HMCN2: variants seen among roughly 807,000 people sequenced by gnomAD.
HMCN2 encodes the protein hemicentin 2.
A neutral mutation model predicts 377.5 loss-of-function variants in HMCN2; 325 were observed. The observed-to-expected ratio is 0.86, with a 90% confidence interval of 0.79 to 0.94. HMCN2 has a LOEUF of 0.94. Ranked by LOEUF, HMCN2 falls within the 40% of genes least tolerant of loss-of-function variation. HMCN2 has a pLI of 0.00. For synonymous variants in HMCN2, 2,007 were observed against 2,046.8 expected (o/e 0.98, Z 0.53); for missense variants, 4,543 against 4,725.3 (o/e 0.96, Z 1.13).
chr9:130,353,760 A>G (rs568795260), intron 31 of HMCN2, among the ~76,000 whole-genome samples: 1 of 152,196 alleles, frequency 6.6e-6, no homozygotes, highest in Non-Finnish European at 1.5e-5. Flanking sequence ...GAACCTCAGC[A>G]TCAGCTCAGC....
chr9:130,303,916 G>T lies in HMCN2; in HGVS notation c.1543+308G>T, dbSNP rs1836683154. Among the ~76,000 whole-genome samples the T allele has an allele frequency of 6.6e-6, 1 of 152,204 alleles. No homozygotes were observed. Among genetic ancestry groups the T allele is most frequent in the Non-Finnish European group, 1.5e-5 (1 of 68,028 alleles). On this transcript the variant is annotated intron_variant, in intron 10 of 97. Transcript: ENST00000683500. The surrounding 1 kb of genome is among the most constrained non-coding windows in gnomAD (Gnocchi z 5.2). ...GGGGCCGCCATCCATCTCGTGGTCG[G>T]GACAACCTTCGTGCCTCCAAGTCCC... is the stretch of plus-strand genomic sequence containing the variant.
Position 130,408,756 on chromosome 9 carries a change from A to G in HMCN2, c.12702A>G (p.Leu4234=). The G allele has an allele frequency of 7.8e-7, 1 of 1,289,170 alleles. No homozygotes were observed. The highest frequency in any genetic ancestry group is 1.0e-6 in the Non-Finnish European group (1 of 988,470). 79.9% of individuals were successfully genotyped at this position (1,289,170 alleles called of 1,614,324 possible). ...CACCCCATGCAGAGGCTCCTGTCCT[A>G]CAAGGGGAGGCTTTCTCCTACCTGG... The part of the protein sequence containing the change: ...SFVHVKEAPV[L]QGEAFSYLVE... Residue 4234 remains leucine, a synonymous_variant, in exon 84 of 98, where the codon CTA becomes CTG. Coordinates refer to ENST00000683500, the MANE Select transcript of HMCN2 (RefSeq NM_001291815.2).
chr9:130,266,211 C>T, intron 1 of HMCN2, 74 bp downstream of exon 1: 1 of 412,044 alleles, frequency 2.4e-6, no homozygotes, highest in Non-Finnish European at 4.8e-6. Flanking sequence ...CCTCAGTTGG[C>T]CCCGAACGCA....
At chr9:130,411,087 G>A (rs559200468) in intron 85 of HMCN2, among the ~76,000 whole-genome samples, 187 of 151,966 alleles carry the variant, frequency 1.2e-3, no homozygotes, top group African/African-American at 4.1e-3. Flanking sequence ...TTTACAATGC[G>A]AACCCACCCA....
Position 130,432,373 on chromosome 9 carries a change from C to T in HMCN2, c.14768-56C>T, listed in dbSNP as rs958946077. On this transcript the variant is annotated intron_variant, in intron 96 of 97. Transcript: ENST00000683500. Reference sequence around the variant, plus strand: ...ACTTCTCCCCACGCACTCCCCCCTTCTCCTTTGCTCCATCTTTTCATCTCC... The same window carrying T: ...ACTTCTCCCCACGCACTCCCCCCTTTTCCTTTGCTCCATCTTTTCATCTCC... The T allele has an allele frequency of 2.4e-5, 37 of 1,536,710 alleles. No homozygotes were observed. In the African/African-American group the frequency reaches 4.3e-4, roughly 18 times the overall value.
intron 28 of HMCN2, 53 bp downstream of exon 28, chr9:130,349,184 C>G: frequency 7.8e-7 from 1 of 1,282,760 alleles, no homozygotes. Flanking sequence ...CCTGTAGCCC[C>G]AACTCTTGCA....
rs776662988 is a variant in HMCN2 at position 130,348,572 on chromosome 9, G to A, written c.4052G>A (p.Arg1351His). The A allele has an allele frequency of 2.7e-5, 35 of 1,304,130 alleles. No homozygotes were observed. The highest frequency in any genetic ancestry group is 1.7e-4 in the East Asian group (3 of 18,038). 80.8% of individuals were successfully genotyped at this position (1,304,130 alleles called of 1,614,324 possible). A position where few individuals can be genotyped will look rare whatever the true frequency, so the allele number is the denominator to read the frequency against. Residue 1351 changes from arginine (R) to histidine (H), a missense_variant, in exon 27 of 98, where the codon CGC (arginine) becomes CAC (histidine). Transcript: ENST00000683500. ...YVPPSIREDG[R>H]KANVSGMAGQ... ...CCCCCCAGCATCCGGGAGGACGGGC[G>A]CAAGGCCAACGTGTCGGGTATGGCC...
intron 1 of HMCN2, among the ~76,000 whole-genome samples, chr9:130,278,833 G>T (rs912959568): frequency 6.6e-6 from 1 of 151,230 alleles, no homozygotes; most frequent in African/African-American, 2.4e-5. Context: ...CACCCGCCTC[G>T]GCTTCCCAAA....
chr9:130,370,821 G>A, intron 45 of HMCN2, 143 bp from the exon 46 acceptor site: 1 of 380,880 alleles, frequency 2.6e-6, no homozygotes, highest in Non-Finnish European at 3.6e-6. Flanking sequence ...CACTTTAGGG[G>A]GAGCAGCTCT....
intron 45 of HMCN2, 44 bp from the exon 46 acceptor site, chr9:130,370,919 CA>C (rs1840987062): frequency 1.0e-6 from 1 of 980,650 alleles, no homozygotes; most frequent in Non-Finnish European, 1.2e-6. Context: ...ATGAAGCACA[CA>C]GCCCATATCT....
rs1233847004 is a variant in HMCN2, at chr9:130,419,005, G to T, written c.13195G>T (p.Gly4399Cys). 1 of 1,497,788 alleles carries T rather than the reference G, an allele frequency of 6.7e-7. No individual in the cohort carries two copies. Among genetic ancestry groups the T allele is most frequent in the African/African-American group, 1.4e-5 (1 of 71,666 alleles). 92.8% of individuals were successfully genotyped at this position (1,497,788 alleles called of 1,614,324 possible). ...CGACTGCGTCGCTCACAACCTCCTG[G>T]GCTCTGCCACAGCCCGGGCGTTCCT... ...TYDCVAHNLL[G>C]SATARAFLVV... The change falls in exon 86 of 98, where the codon GGC becomes TGC. Residue 4399 changes from glycine to cysteine, a missense_variant. This residue lies in a region of HMCN2 where 1,155 missense variants were observed against 1,157.7 expected (regional missense o/e 1.00). Coordinates refer to ENST00000683500, the MANE Select transcript of HMCN2 (RefSeq NM_001291815.2).
intron 22 of HMCN2, among the ~76,000 whole-genome samples, chr9:130,331,029 G>A (rs1838398583): frequency 1.3e-5 from 2 of 150,792 alleles, no homozygotes; most frequent in Non-Finnish European, 3.0e-5. Flanking sequence ...GTGGTGGTGC[G>A]CGCCTGTAGT....
At chr9:130,348,154 C>T (rs1217965213) in intron 26 of HMCN2, 1 of 584,300 alleles carries the variant, frequency 1.7e-6, no homozygotes, top group Non-Finnish European at 2.2e-6. Flanking sequence ...CTCTGGCTAG[C>T]CCTGTAATGA....
chr9:130,344,101 A>G (rs1446807070), intron 25 of HMCN2, among the ~76,000 whole-genome samples: 3 of 152,128 alleles, frequency 2.0e-5, no homozygotes, highest in Admixed American at 2.0e-4. Context: ...CCTGCACTAG[A>G]GCACTTTAGG....
At chr9:130,331,769 T>TGAGGA (rs1326096586) in intron 22 of HMCN2, among the ~76,000 whole-genome samples, 1 of 152,142 alleles carries the variant, frequency 6.6e-6, no homozygotes, top group African/African-American at 2.4e-5. Context: ...GGGATTCCGA[T>TGAGGA]GAGGAGATGG....
In HMCN2 at chr9:130,365,889, C is replaced by T. The variant is rs537735544; in HGVS notation, c.6519C>T (p.Phe2173=). Residue 2173 remains phenylalanine, a synonymous_variant, in exon 43 of 98, where the codon TTC becomes TTT. Transcript: ENST00000683500. The part of the protein sequence containing the change: ...YNLNVWVAPV[F]PLRESHTLTV... ...GCTCTGACTCAGTTGCTCCAGTGTT[C>T]CCCTTGAGGGAATCCCACACCCTGA... 1.8e-3 allele frequency: 1,811 copies of T among 985,758 alleles called. 2 individuals carry two copies. Among genetic ancestry groups the T allele is most frequent in the Non-Finnish European group, 2.0e-3 (1,695 of 829,874 alleles). The allele number at this position is 985,758 out of a possible 1,614,324, so 61.1% of individuals were successfully genotyped here. A position where few individuals can be genotyped will look rare whatever the true frequency, so the allele number is the denominator to read the frequency against.
chr9:130,275,498 G>A (rs1834640891), intron 1 of HMCN2, among the ~76,000 whole-genome samples: 1 of 152,128 alleles, frequency 6.6e-6, no homozygotes, highest in African/African-American at 2.4e-5. Context: ...CACCTAGGCT[G>A]GAGTGCAGTG....
chr9:130,424,011 G>A (rs1192873426), intron 87 of HMCN2, among the ~76,000 whole-genome samples: 7 of 150,640 alleles, frequency 4.6e-5, no homozygotes, highest in Admixed American at 1.3e-4. Flanking sequence ...ACTGCTTCTC[G>A]CTTTGTTGCC....
chr9:130,321,976 A>G (rs1837877540), intron 19 of HMCN2, 45 bp downstream of exon 19: 1 of 151,948 alleles, frequency 6.6e-6, no homozygotes, highest in South Asian at 2.1e-4. Flanking sequence ...GGCAGGGAAC[A>G]TGATGGGGTG....
Sources: allele counts gnomAD v4.1 joint callset (sites outside exome capture counted in the v4.1 genomes callset), GRCh38; gene constraint gnomAD v4.1.1; regional missense constraint gnomAD v4.1.1; non-coding constraint Gnocchi (gnomAD v3.1); transcripts MANE v1.5; gene names NCBI Gene and HGNC (gene_info 2026-07-23, HGNC 2026-07-21).